Variants in MAPKBP1 observed in about 807,000 individuals in gnomAD.
MAPKBP1 encodes the protein mitogen-activated protein kinase binding protein 1.
In MAPKBP1, 71 loss-of-function variants were observed where a neutral mutation model predicts 170.5. The ratio of observed to expected loss-of-function variants is 0.42; its 90% CI spans 0.34 to 0.51. MAPKBP1 has a LOEUF of 0.51. MAPKBP1 is among the 20% of genes least tolerant of loss of function. MAPKBP1 has a pLI of 0.06. For synonymous variants in MAPKBP1, 719 were observed against 757.9 expected, an observed-to-expected ratio of 0.95 and a Z score of 0.84; for missense variants, 1,598 against 1,933.0, an observed-to-expected ratio of 0.83 and a Z score of 3.25.
At chr15:41,823,358 G>A in intron 28 of MAPKBP1, 89 bp from the exon 29 acceptor site, 1 of 1,548,548 alleles carries the variant, frequency 6.5e-7, no homozygotes, top group East Asian at 2.3e-5. Flanking sequence ...GGCATGTGGA[G>A]GGGAACAGCA....
intron 12 of MAPKBP1, 67 bp downstream of exon 12, chr15:41,815,866 AG>A (rs2152080384): frequency 6.6e-7 from 1 of 1,518,256 alleles, no homozygotes; most frequent in African/African-American, 1.4e-5. Flanking sequence ...TTAGAACTTT[AG>A]GGAGGGTTTG....
At position 41,822,976 on chromosome 15, in the gene MAPKBP1, T is replaced by C; in HGVS notation, c.3352T>C (p.Ser1118Pro). The change falls in exon 28 of 31, where the codon TCG becomes CCG. Residue 1118 changes from serine (S) to proline (P), a missense_variant. Physicochemically the swap from Ser to Pro is moderately conservative, Grantham distance 74. Coordinates refer to ENST00000457542, the MANE Select transcript of MAPKBP1 (RefSeq NM_014994.3). The stretch of plus-strand genomic sequence containing the variant: ...ATCCTCCTCAAGCCTGGCACTGATG[T>C]CGAGACCAGCCCAGGTGCCACAGGC... Reference protein sequence around the residue: ...SPSSSSLALMSRPAQVPQASG... With the variant: ...SPSSSSLALMPRPAQVPQASG... The C allele has an allele frequency of 1.9e-6, 3 of 1,613,772 alleles. No homozygotes were observed. Among genetic ancestry groups the C allele is most frequent in the Non-Finnish European group, 2.5e-6 (3 of 1,179,800 alleles).
intron 10 of MAPKBP1, 106 bp from the exon 11 acceptor site, chr15:41,815,153 G>A (rs1346867045): frequency 3.6e-6 from 5 of 1,397,516 alleles, no homozygotes; most frequent in Non-Finnish European, 4.0e-6. Context: ...ACTGGGCTAA[G>A]TCCTGGCCAC....
At chr15:41,774,885 G>A (rs1026184369) in intron 1 of MAPKBP1, 6 of 439,964 alleles carry the variant, frequency 1.4e-5, no homozygotes, top group African/African-American at 2.0e-5. Flanking sequence ...GAACAGTTGG[G>A]CATTAACGGG....
intron 2 of MAPKBP1, among the ~76,000 whole-genome samples, chr15:41,788,076 G>A (rs970195430): frequency 2.6e-5 from 4 of 151,938 alleles, no homozygotes; most frequent in African/African-American, 9.7e-5. Context: ...TTTTGCCTCA[G>A]CCTCCCAAGT....
Position 41,827,765 on chromosome 15 carries a change from C to T in MAPKBP1, c.*2329C>T, listed in dbSNP as rs1359509395. On this transcript the variant is annotated 3_prime_UTR_variant, in exon 31 of 31. Transcript: ENST00000457542. ...GTGCAGGTCGCGGCGCTTCCTGCCT[C>T]ATCCTCGGCTGCATGGGGCGGGGGC... 2.7e-5 allele frequency: 6 copies of T among 223,220 alleles called. No homozygotes were observed. The highest frequency in any genetic ancestry group is 4.6e-5 in the African/African-American group (2 of 43,546). The allele number at this position is 223,220 out of a possible 1,614,324, so 13.8% of individuals were successfully genotyped here.
chr15:41,787,742 G>A (rs2064324393), intron 2 of MAPKBP1, among the ~76,000 whole-genome samples: 1 of 152,066 alleles, frequency 6.6e-6, no homozygotes. Flanking sequence ...TAAAGTCAGG[G>A]ATAAGAGTGT....
chr15:41,812,264 A>G (rs1596087115), intron 6 of MAPKBP1, 137 bp downstream of exon 6: 1 of 1,324,604 alleles, frequency 7.5e-7, no homozygotes, highest in South Asian at 1.4e-5. Context: ...TTGAAGCAGA[A>G]AAGAGCAACT....
At chr15:41,820,324 A>T (rs917540660) in intron 22 of MAPKBP1, among the ~76,000 whole-genome samples, 19 of 151,836 alleles carry the variant, frequency 1.3e-4, no homozygotes, top group Non-Finnish European at 1.2e-4. Flanking sequence ...CTGTGAGGGG[A>T]CTTTGGGGCC....
intron 26 of MAPKBP1, 29 bp from the exon 27 acceptor site, chr15:41,822,564 C>G: frequency 6.2e-7 from 1 of 1,612,458 alleles, no homozygotes; most frequent in Non-Finnish European, 8.5e-7. Context: ...GGTTTTTGCC[C>G]CAATTCATGA....
chr15:41,798,937 A>G (rs2064544080), intron 2 of MAPKBP1, among the ~76,000 whole-genome samples: 1 of 152,242 alleles, frequency 6.6e-6, no homozygotes, highest in East Asian at 1.9e-4. Flanking sequence ...TGGAGCAGCA[A>G]GTGAAAGACC....
In MAPKBP1 at chr15:41,774,556, C is replaced by T. The variant is rs1018223142; in HGVS notation, c.-164C>T. 59 of 398,548 alleles carry T rather than the reference C, an allele frequency of 1.5e-4. No homozygotes were observed. Among genetic ancestry groups the T allele is most frequent in the African/African-American group, 1.2e-3 (57 of 48,646 alleles). 24.7% of individuals were successfully genotyped at this position (398,548 alleles called of 1,614,324 possible). On this transcript the variant is annotated 5_prime_UTR_variant, in exon 1 of 31. Coordinates refer to ENST00000457542, the MANE Select transcript of MAPKBP1 (RefSeq NM_014994.3). ...GCTACCGCGGCGGAGCTGAAATTGC[C>T]GAACGCGATGCCCGAGGGCGCTGTG... is the stretch of plus-strand genomic sequence containing the variant.
In MAPKBP1 at chr15:41,816,977, C is replaced by T. The variant is rs765958945; in HGVS notation, c.1653C>T (p.Tyr551=). ...ATGTGCTGGATGCCGGGCGGGAGTA[C>T]AGCCTACAGCAGACGCTGGACGAAC... The part of the protein sequence containing the change: ...LIHVLDAGRE[Y]SLQQTLDEHS... Residue 551 remains tyrosine (Y), a synonymous_variant, in exon 14 of 31, where the codon TAC becomes TAT. Transcript: ENST00000457542. 7.4e-6 allele frequency: 12 copies of T among 1,611,728 alleles called. No individual in the cohort carries two copies. Among genetic ancestry groups the T allele is most frequent in the Non-Finnish European group, 1.0e-5 (12 of 1,178,374 alleles).
intron 22 of MAPKBP1, among the ~76,000 whole-genome samples, chr15:41,820,091 G>T (rs1297351455): frequency 5.3e-5 from 8 of 152,204 alleles, no homozygotes; most frequent in African/African-American, 7.2e-5. Context: ...GGTAAGCGGA[G>T]AACTTCCAGA....
At chr15:41,801,089 C>G (rs922868523) in intron 3 of MAPKBP1, among the ~76,000 whole-genome samples, 2 of 152,186 alleles carry the variant, frequency 1.3e-5, no homozygotes, top group Admixed American at 6.5e-5. Flanking sequence ...TACCTTATTC[C>G]TTTTTGTGGC....
Position 41,815,416 on chromosome 15 carries a change from A to G in MAPKBP1, c.1317+11A>G, listed in dbSNP as rs1474767684. 2 of 1,613,544 alleles carry G rather than the reference A, an allele frequency of 1.2e-6. No individual in the cohort carries two copies. The highest frequency in any genetic ancestry group is 3.3e-5 in the Admixed American group (2 of 59,992). On this transcript the variant is annotated intron_variant, in intron 11 of 30. Coordinates refer to ENST00000457542, the MANE Select transcript of MAPKBP1 (RefSeq NM_014994.3). ...AACATCCTCAGCAGTGTGAGCCCTG[A>G]GGCTGTGGGGCCCCGCTTCACCCTC...
At chr15:41,792,329 G>T (rs570449608) in intron 2 of MAPKBP1, among the ~76,000 whole-genome samples, 1 of 152,032 alleles carries the variant, frequency 6.6e-6, no homozygotes, top group African/African-American at 2.4e-5. Flanking sequence ...TTCCTACTGG[G>T]AGTGGTGGGT....
At chr15:41,779,330 C>T (rs1199410888) in intron 2 of MAPKBP1, among the ~76,000 whole-genome samples, 1 of 152,180 alleles carries the variant, frequency 6.6e-6, no homozygotes, top group Non-Finnish European at 1.5e-5. Context: ...CCTGCCTCAG[C>T]CTCCTGAGTA....
At chr15:41,806,432 G>A (rs1001003521) in intron 3 of MAPKBP1, among the ~76,000 whole-genome samples, 5 of 152,304 alleles carry the variant, frequency 3.3e-5, no homozygotes, top group African/African-American at 1.2e-4. Context: ...TGTCTGTGCT[G>A]CCCCATGCAT....
Sources: gnomAD v4.1 joint callset for allele counts (sites outside exome capture counted in the v4.1 genomes callset) on GRCh38, gnomAD v4.1.1 for gene constraint, MANE v1.5 for transcripts, NCBI Gene and HGNC (gene_info 2026-07-23, HGNC 2026-07-21) for gene names.